The following ZNF385D variants were observed in gnomAD, a reference collection of about 807,000 sequenced individuals.
ZNF385D encodes the protein zinc finger protein 385D, also known as zinc finger protein 659.
Under a neutral mutation model 35.8 loss-of-function variants are expected in ZNF385D, and 15 were observed. The observed-to-expected ratio is 0.42, with a 90% CI of 0.28 to 0.64. The LOEUF (loss-of-function observed/expected upper bound fraction) is 0.64, where lower values mean the gene tolerates loss of function less well. Ranked by LOEUF, ZNF385D falls within the 30% of genes least tolerant of loss-of-function variation. The probability of loss-of-function intolerance (pLI) is 0.23; values close to 1 mark genes in which losing one functional copy is unlikely to be tolerated. For missense variants in ZNF385D, 474 were observed against 494.6 expected (o/e 0.96, Z 0.39); for synonymous variants, 212 against 186.8 (o/e 1.13, Z -1.10).
chr3:21,879,854 T>G (rs1270837250), intron 3 of ZNF385D, among the ~76,000 whole-genome samples: 1 of 151,932 alleles, frequency 6.6e-6, no homozygotes, highest in African/African-American at 2.4e-5. Flanking sequence ...GAGAAAAGCG[T>G]GGACAGTCAT....
chr3:21,868,774 A>G (rs1245734150), intron 3 of ZNF385D, among the ~76,000 whole-genome samples: 1 of 152,122 alleles, frequency 6.6e-6, no homozygotes, highest in Non-Finnish European at 1.5e-5. Flanking sequence ...AGAAGATAAT[A>G]TGTTTGTACC....
chr3:22,356,174 A>C (rs1559538530), intron 2 of ZNF385D, among the ~76,000 whole-genome samples: 1 of 151,988 alleles, frequency 6.6e-6, no homozygotes, highest in Non-Finnish European at 1.5e-5. Context: ...CAAGACACCA[A>C]ATCATACAAA....
chr3:21,703,367 T>C (rs773395621), intron 1 of ZNF385D, among the ~76,000 whole-genome samples: 11 of 152,104 alleles, frequency 7.2e-5, no homozygotes, highest in Non-Finnish European at 1.5e-4. Context: ...GTCCCTCCTA[T>C]AACATGTGGG....
At chr3:22,293,318 T>C (rs1357556656) in intron 2 of ZNF385D, among the ~76,000 whole-genome samples, 1 of 152,156 alleles carries the variant, frequency 6.6e-6, no homozygotes, top group Non-Finnish European at 1.5e-5. Flanking sequence ...TTTACTCATC[T>C]CAATTAGTGA....
chr3:21,488,849 A>G (rs1319685234), intron 4 of ZNF385D, among the ~76,000 whole-genome samples: 1 of 152,144 alleles, frequency 6.6e-6, no homozygotes, highest in Non-Finnish European at 1.5e-5. Context: ...GGAAAGTTTC[A>G]GCATTTATTT....
Position 21,750,907 on chromosome 3 carries a change from T to C in ZNF385D, c.10A>G (p.Ile4Val). 1.2e-6 allele frequency: 2 copies of C among 1,614,190 alleles called. No homozygotes were observed. Among genetic ancestry groups the C allele is most frequent in the Non-Finnish European group, 1.7e-6 (2 of 1,180,028 alleles). The change falls in exon 1 of 8, where the codon ATA (isoleucine) becomes GTA (valine). Residue 4 changes from isoleucine (I) to valine (V), a missense_variant. Coordinates refer to ENST00000281523, the MANE Select transcript of ZNF385D (RefSeq NM_024697.3). MRN[I>V]MYFGGTCQSP... ...AGTGAACACTCACCAAAATACATTA[T>C]GTTTCTCATTAATCAGACAGCTGGA...
At chr3:21,959,201 G>C (rs772546286) in intron 3 of ZNF385D, among the ~76,000 whole-genome samples, 2 of 152,048 alleles carry the variant, frequency 1.3e-5, no homozygotes, top group East Asian at 3.9e-4. Context: ...CTTTTCCTTG[G>C]TTAGAGATCT....
intron 5 of ZNF385D, among the ~76,000 whole-genome samples, chr3:21,427,442 T>A (rs1317284470): frequency 6.6e-6 from 1 of 152,180 alleles, no homozygotes; most frequent in African/African-American, 2.4e-5. Context: ...GATTGGTAGC[T>A]GGTGTTTCAT....
chr3:22,146,053 G>A (rs892365953), intron 3 of ZNF385D, among the ~76,000 whole-genome samples: 5 of 152,136 alleles, frequency 3.3e-5, no homozygotes, highest in African/African-American at 1.2e-4. Flanking sequence ...CAACACATCC[G>A]CAGGGCCCTG....
At chr3:21,616,464 T>C (rs2125802492) in intron 2 of ZNF385D, among the ~76,000 whole-genome samples, 1 of 152,308 alleles carries the variant, frequency 6.6e-6, no homozygotes, top group South Asian at 2.1e-4. Context: ...TGCGGGAGAA[T>C]TTTTGAAGGA....
intron 2 of ZNF385D, among the ~76,000 whole-genome samples, chr3:22,330,773 A>C (rs1304350750): frequency 6.6e-6 from 1 of 152,218 alleles, no homozygotes; most frequent in African/African-American, 2.4e-5. Flanking sequence ...ATTATTGAAT[A>C]AATGGAGAAC....
At chr3:22,291,125 A>T (rs1702281228) in intron 2 of ZNF385D, among the ~76,000 whole-genome samples, 1 of 152,136 alleles carries the variant, frequency 6.6e-6, no homozygotes, top group Non-Finnish European at 1.5e-5. Flanking sequence ...GGAGGAGGGC[A>T]CAAAAATTCA....
chr3:22,362,713 T>C (rs576756823), intron 2 of ZNF385D, among the ~76,000 whole-genome samples: 1 of 152,226 alleles, frequency 6.6e-6, no homozygotes, highest in African/African-American at 2.4e-5. Flanking sequence ...ATAGATCATA[T>C]TTATAAAACT....
intron 3 of ZNF385D, among the ~76,000 whole-genome samples, chr3:21,778,839 A>G (rs17621507): frequency 0.14 from 21,587 of 151,926 alleles, 1,910 homozygotes; most frequent in Non-Finnish European, 0.18. Context: ...TATTGTGATG[A>G]AAAGACTATT....
At chr3:21,956,621 C>T (rs1702303438) in intron 3 of ZNF385D, among the ~76,000 whole-genome samples, 1 of 152,066 alleles carries the variant, frequency 6.6e-6, no homozygotes, top group Non-Finnish European at 1.5e-5. Flanking sequence ...AATTTGTTCA[C>T]AGTGGTTAAT....
At position 21,472,638 on chromosome 3, in the gene ZNF385D, A is replaced by G. The variant is rs373981234; in HGVS notation, c.440-35435T>C. On this transcript the variant is annotated intron_variant, in intron 4 of 7. Coordinates refer to ENST00000281523, the MANE Select transcript of ZNF385D (RefSeq NM_024697.3). ...ATGCGAACAAACTGCATCTTAAATT[A>G]TGGGTATAGCCTTGTAACAAAGAGC... is the stretch of plus-strand genomic sequence containing the variant. Among the ~76,000 whole-genome samples, 3 of 152,074 alleles carry G rather than the reference A, an allele frequency of 2.0e-5. No individual in the cohort carries two copies. In the South Asian group the frequency reaches 6.2e-4, roughly 32 times the overall value.
chr3:21,642,806 G>A (rs1398654052), intron 2 of ZNF385D, among the ~76,000 whole-genome samples: 9 of 152,114 alleles, frequency 5.9e-5, no homozygotes, highest in Non-Finnish European at 7.4e-5. Flanking sequence ...CAAAATGGGT[G>A]AACCTTGAGG....
intron 2 of ZNF385D, among the ~76,000 whole-genome samples, chr3:22,264,372 G>T (rs1013129807): frequency 3.2e-4 from 48 of 152,018 alleles, no homozygotes; most frequent in Admixed American, 2.8e-3. Flanking sequence ...CACTGAAAGT[G>T]GTGAATGCTT....
At chr3:22,131,360 G>A (rs114012360) in intron 3 of ZNF385D, among the ~76,000 whole-genome samples, 2,954 of 152,026 alleles carry the variant, frequency 0.019, 37 homozygotes, top group Non-Finnish European at 0.026. Context: ...TGCCTATTTG[G>A]AGTAGATTAA....
Sources: gnomAD v4.1 joint callset for allele counts (sites outside exome capture counted in the v4.1 genomes callset) on GRCh38, gnomAD v4.1.1 for gene constraint, MANE v1.5 for transcripts, NCBI Gene and HGNC (gene_info 2026-07-23, HGNC 2026-07-21) for gene names.